The following MB variants were observed in gnomAD, a reference collection of about 807,000 sequenced individuals.
MB encodes the protein nitrite reductase MB.
MB carries 10 observed loss-of-function variants against 14.5 expected under a neutral mutation model. That is an observed-to-expected ratio of 0.69 (90% CI 0.43 to 1.17). The LOEUF (loss-of-function observed/expected upper bound fraction) is 1.17, where lower values mean the gene tolerates loss of function less well. Among genes scored for constraint, MB ranks in the 50% most tolerant of loss-of-function variants. The pLI, the probability that MB is intolerant of heterozygous loss-of-function variation, is 0.00. For missense variants in MB, 169 were observed against 192.7 expected (o/e 0.88, Z 0.73); for synonymous variants, 89 against 78.6 (o/e 1.13, Z -0.70).
chr22:35,616,175 G>A (rs1264431095), intron 1 of MB, among the ~76,000 whole-genome samples: 5 of 152,192 alleles, frequency 3.3e-5, no homozygotes, highest in African/African-American at 4.8e-5. Flanking sequence ...TGGCAGAAAC[G>A]TTGATTCTTA....
chr22:35,619,057 T>C (rs1195191578), upstream of MB, among the ~76,000 whole-genome samples: 1 of 151,816 alleles, frequency 6.6e-6, no homozygotes, highest in African/African-American at 2.4e-5. Context: ...TCTATCCATC[T>C]GTAACTCCAC....
At chr22:35,613,147 TG>T (rs1269762997) in intron 1 of MB, among the ~76,000 whole-genome samples, 1 of 152,232 alleles carries the variant, frequency 6.6e-6, no homozygotes, top group African/African-American at 2.4e-5. Flanking sequence ...AACTCCCGCC[TG>T]ACAGATGCAA....
Position 35,617,259 on chromosome 22 carries a change from G to A in MB, c.-2C>T. On this transcript the variant is annotated 5_prime_UTR_variant, in exon 1 of 3. Transcript: ENST00000397326. ...CCATTCCCCGTCGCTGAGCCCCATG[G>A]CGCAGTCTGAAGAAGACAAAAAGAG... is the stretch of plus-strand genomic sequence containing the variant. The A allele has an allele frequency of 1.2e-6, 2 of 1,613,662 alleles. No homozygotes were observed. The highest frequency in any genetic ancestry group is 1.3e-5 in the African/African-American group (1 of 75,042).
chr22:35,621,131 GGCAGAGAAGCT>G (rs1428780818), upstream of MB, among the ~76,000 whole-genome samples: 1 of 152,142 alleles, frequency 6.6e-6, no homozygotes, highest in Non-Finnish European at 1.5e-5. Flanking sequence ...TTATGGCCAG[GGCAGAGAAGCT>G]GCAGACACAT....
At chr22:35,613,582 A>G (rs1229585286) in intron 1 of MB, among the ~76,000 whole-genome samples, 3 of 152,050 alleles carry the variant, frequency 2.0e-5, no homozygotes, top group Non-Finnish European at 4.4e-5. Flanking sequence ...TGGAGCCTCA[A>G]TCTCCTGGGC....
upstream of MB, among the ~76,000 whole-genome samples, chr22:35,620,901 G>A (rs1246078581): frequency 4.6e-5 from 7 of 152,154 alleles, no homozygotes; most frequent in Non-Finnish European, 1.0e-4. Flanking sequence ...GCTATCACCC[G>A]CTTGGCAAGC....
upstream of MB, among the ~76,000 whole-genome samples, chr22:35,620,636 G>A (rs1044876139): frequency 7.9e-5 from 12 of 152,310 alleles, no homozygotes; most frequent in African/African-American, 2.6e-4. Flanking sequence ...CCCCCTGCCT[G>A]GTGCGCTGGG....
At position 35,608,017 on chromosome 22, in the gene MB, G is replaced by A. The variant is rs921419839; in HGVS notation, c.319-574C>T. On this transcript the variant is annotated intron_variant, in intron 2 of 2. Transcript: ENST00000397326. The surrounding 1 kb of genome is among the most constrained non-coding windows in gnomAD (Gnocchi z 4.3). ...TATACCAAGCACAGAAACACTGGTG[G>A]GAGGGAAGGAGAGAGAGGAAGAAGA... is the stretch of plus-strand genomic sequence containing the variant. Among the ~76,000 whole-genome samples the A allele has an allele frequency of 3.9e-5, 6 of 152,170 alleles. No individual in the cohort carries two copies. The highest frequency in any genetic ancestry group is 1.4e-4 in the African/African-American group (6 of 41,440).
rs45499891 is a variant in MB at position 35,613,745 on chromosome 22, G to A, written c.96-2639C>T. Among the ~76,000 whole-genome samples the A allele has an allele frequency of 6.2e-3, 946 of 152,202 alleles. 7 individuals carry two copies. Among genetic ancestry groups the A allele is most frequent in the African/African-American group, 0.02 (830 of 41,546 alleles). On this transcript the variant is annotated intron_variant, in intron 1 of 2. Transcript: ENST00000397326. ...AACTCCTGGACTCAAGCGATTCCCCGATCCTGCCTCCCAAAGTGCTGGGAT... is the reference window on the plus strand; with the variant it reads ...AACTCCTGGACTCAAGCGATTCCCCAATCCTGCCTCCCAAAGTGCTGGGAT...
In MB at chr22:35,613,049, C is replaced by T. The variant is rs567958755; in HGVS notation, c.96-1943G>A. Among the ~76,000 whole-genome samples, 12 of 152,358 alleles carry T rather than the reference C, an allele frequency of 7.9e-5. No homozygotes were observed. In the South Asian group the frequency reaches 2.1e-3, roughly 26 times the overall value. ...CGCTCCAGGACCTTATCCAAATCCTCGTGCGTCACTGACGGCTTGTCTCTG... is the reference window on the plus strand; with the variant it reads ...CGCTCCAGGACCTTATCCAAATCCTTGTGCGTCACTGACGGCTTGTCTCTG... On this transcript the variant is annotated intron_variant, in intron 1 of 2. Coordinates refer to ENST00000397326, the MANE Select transcript of MB (RefSeq NM_005368.3).
In MB at chr22:35,609,833, C is replaced by T. The variant is rs45582137; in HGVS notation, c.318+1051G>A. On this transcript the variant is annotated intron_variant, in intron 2 of 2. Coordinates refer to ENST00000397326, the MANE Select transcript of MB (RefSeq NM_005368.3). ...CCAGCTTCCCGTGCAGACAGGATGG[C>T]TCCGTAACTAACTTCTGGCCAATGA... Among the ~76,000 whole-genome samples the T allele has an allele frequency of 3.3e-4, 51 of 152,320 alleles. No homozygotes were observed. In the East Asian group the frequency reaches 9.3e-3, roughly 28 times the overall value.
chr22:35,618,108 T>C (rs537668099), upstream of MB, among the ~76,000 whole-genome samples: 1 of 152,270 alleles, frequency 6.6e-6, no homozygotes, highest in African/African-American at 2.4e-5. Context: ...TCCCAAACAC[T>C]TGGCATTTGG....
At chr22:35,617,013 T>C in intron 1 of MB, 150 bp downstream of exon 1, 1 of 637,936 alleles carries the variant, frequency 1.6e-6, no homozygotes, top group Admixed American at 2.6e-5. Flanking sequence ...CCCTGACACT[T>C]AAAAGCAAAG....
chr22:35,608,771 T>C lies in MB; in HGVS notation c.319-1328A>G, dbSNP rs1401309123. ...CCTGGTTGGGCCCCCAGCTCAGACTTTCTGGAGTCCATGGCAGAGCCACTC... is the reference window on the plus strand; with the variant it reads ...CCTGGTTGGGCCCCCAGCTCAGACTCTCTGGAGTCCATGGCAGAGCCACTC... On this transcript the variant is annotated intron_variant, in intron 2 of 2. Coordinates refer to ENST00000397326, the MANE Select transcript of MB (RefSeq NM_005368.3). The surrounding 1 kb of genome is among the most constrained non-coding windows in gnomAD (Gnocchi z 4.3). Among the ~76,000 whole-genome samples, 1 of 152,184 alleles carries C rather than the reference T, an allele frequency of 6.6e-6. No individual in the cohort carries two copies. The highest frequency in any genetic ancestry group is 1.5e-5 in the Non-Finnish European group (1 of 68,036).
chr22:35,614,320 T>C (rs894318636), intron 1 of MB, among the ~76,000 whole-genome samples: 3 of 152,134 alleles, frequency 2.0e-5, no homozygotes, highest in Non-Finnish European at 4.4e-5. Flanking sequence ...TGGGCCGGGC[T>C]CATTGGCTTG....
chr22:35,617,472 C>T (rs572868175), upstream of MB: 118 of 573,074 alleles, frequency 2.1e-4, no homozygotes, highest in African/African-American at 2.0e-3. Context: ...CTTTCTCTAG[C>T]CCTCACATGG....
intron 2 of MB, 140 bp from the exon 3 acceptor site, chr22:35,607,583 G>T (rs1922250905): frequency 1.3e-6 from 1 of 745,024 alleles, no homozygotes; most frequent in Non-Finnish European, 2.2e-6. Context: ...GAGAGTCTGT[G>T]TGATCTCCAC....
intron 1 of MB, among the ~76,000 whole-genome samples, chr22:35,614,589 C>A (rs1056914832): frequency 2.0e-5 from 3 of 152,004 alleles, no homozygotes; most frequent in African/African-American, 7.3e-5. Context: ...AGTTACTTAA[C>A]CTCTCTGTTA....
Position 35,608,944 on chromosome 22 carries a change from C to T in MB, c.319-1501G>A, listed in dbSNP as rs16995883. ...AGACTGTCTTATGAACAGCGCAGAG[C>T]GAAGGTCCACCGTGAGGGGGAAAAG... On this transcript the variant is annotated intron_variant, in intron 2 of 2. Coordinates refer to ENST00000397326, the MANE Select transcript of MB (RefSeq NM_005368.3). This position sits in a 1 kb window ranked among gnomAD's most constrained non-coding sequence, Gnocchi z 4.3. Among the ~76,000 whole-genome samples the T allele has an allele frequency of 6.6e-6, 1 of 152,086 alleles. No individual in the cohort carries two copies. The highest frequency in any genetic ancestry group is 1.5e-5 in the Non-Finnish European group (1 of 68,022).
Sources: allele counts gnomAD v4.1 joint callset (sites outside exome capture counted in the v4.1 genomes callset), GRCh38; gene constraint gnomAD v4.1.1; non-coding constraint Gnocchi (gnomAD v3.1); transcripts MANE v1.5; gene names NCBI Gene and HGNC (gene_info 2026-07-23, HGNC 2026-07-21).